The following F7 variants were observed in gnomAD, a reference collection of about 807,000 sequenced individuals.
F7 encodes coagulation factor VII, also known as FVII coagulation protein.
Under a neutral mutation model 47.5 loss-of-function variants are expected in F7, and 38 were observed. That is an observed-to-expected ratio of 0.80 (90% CI 0.62 to 1.05). F7 has a LOEUF of 1.05. Ranked by LOEUF, F7 falls within the 50% of genes least tolerant of loss-of-function variation. F7 has a pLI of 0.00. For missense variants in F7, 575 were observed against 605.4 expected (o/e 0.95, Z 0.53); for synonymous variants, 244 against 258.5 (o/e 0.94, Z 0.54).
In F7 at chr13:113,118,685, C is replaced by T. The variant is rs1292824659; in HGVS notation, c.1012C>T (p.Leu338Phe). 7 of 1,612,716 alleles carry T rather than the reference C, an allele frequency of 4.3e-6. No homozygotes were observed. The Admixed American group carries it at 8.3e-5, about 19-fold the overall frequency. ...RGATALELMV[L>F]NVPRLMTQDC... is the part of the protein sequence containing the mutation. ...CGCCACGGCCCTGGAGCTCATGGTC[C>T]TCAACGTGCCCCGGCTGATGACCCA... The change falls in exon 8 of 8, where the codon CTC becomes TTC. Residue 338 changes from leucine to phenylalanine, a missense_variant. Leu to Phe is a conservative substitution (Grantham distance 22). Transcript: ENST00000346342.
intron 4 of F7, 92 bp downstream of exon 4, chr13:113,114,052 G>A: frequency 7.2e-7 from 1 of 1,386,408 alleles, no homozygotes; most frequent in Non-Finnish European, 1.0e-6. Flanking sequence ...TGCACAACCT[G>A]GTGGGGTGTG....
At position 113,118,445 on chromosome 13, in the gene F7, G is replaced by T; in HGVS notation, c.772G>T (p.Glu258Ter). ...EHDLSEHDGDEQSRRVAQVII... is the reference protein window; with the variant it reads ...EHDLSEHDGD ...CGACCTCAGCGAGCACGACGGGGAT[G>T]AGCAGAGCCGGCGGGTGGCGCAGGT... Residue 258 changes from glutamate to a stop codon, truncating the protein, a stop_gained, in exon 8 of 8, where the codon GAG becomes TAG. Transcript: ENST00000346342. LOFTEE classifies it high-confidence loss of function. 1 of 1,604,682 alleles carries T rather than the reference G, an allele frequency of 6.2e-7. No individual in the cohort carries two copies.
At chr13:113,115,890 C>T (rs2036185925) in intron 5 of F7, 90 bp downstream of exon 5, 1 of 1,558,004 alleles carries the variant, frequency 6.4e-7, no homozygotes, top group African/African-American at 1.4e-5. Flanking sequence ...GTGGGAGTGG[C>T]TTCACATCTA....
chr13:113,116,777 T>G lies in F7; in HGVS notation c.517T>G (p.Cys173Gly). Residue 173 changes from cysteine to glycine, a missense_variant, in exon 6 of 8, where the codon TGT becomes GGT. Transcript: ENST00000346342. ...TTTGTTTTACACAGTTGAATATCCATGTGGAAAAATACCTATTCTAGAAAA... is the reference window on the plus strand; with the variant it reads ...TTTGTTTTACACAGTTGAATATCCAGGTGGAAAAATACCTATTCTAGAAAA... Reference protein sequence around the residue: ...VSCTPTVEYPCGKIPILEKRN... With the variant: ...VSCTPTVEYPGGKIPILEKRN... The G allele has an allele frequency of 6.2e-7, 1 of 1,612,890 alleles. No individual in the cohort carries two copies. Among genetic ancestry groups the G allele is most frequent in the Non-Finnish European group, 8.5e-7 (1 of 1,179,038 alleles).
intron 2 of F7, among the ~76,000 whole-genome samples, chr13:113,112,180 C>T (rs556366885): frequency 1.2e-3 from 172 of 147,442 alleles, no homozygotes; most frequent in African/African-American, 4.2e-3. Flanking sequence ...TCACAGAGGT[C>T]ACCTCACACC....
chr13:113,110,543 C>T, intron 1 of F7, 147 bp from the exon 2 acceptor site: 1 of 1,083,766 alleles, frequency 9.2e-7, no homozygotes, highest in Non-Finnish European at 1.3e-6. Context: ...GCAGGGAGGA[C>T]ACCCAGCCAG....
intron 1 of F7, chr13:113,110,372 C>G (rs1300840871): frequency 1.7e-5 from 5 of 302,584 alleles, no homozygotes; most frequent in Non-Finnish European, 2.4e-5. Flanking sequence ...TTCTCCTCGC[C>G]GGCATCGACC....
chr13:113,116,687 TG>T, intron 5 of F7, 78 bp from the exon 6 acceptor site: 1 of 1,150,200 alleles, frequency 8.7e-7, no homozygotes, highest in Non-Finnish European at 1.3e-6. Context: ...TCTCAGAGGA[TG>T]GGTGTTTCTG....
intron 6 of F7, among the ~76,000 whole-genome samples, chr13:113,117,244 C>T (rs781318307): frequency 7.2e-5 from 11 of 152,230 alleles, no homozygotes; most frequent in Admixed American, 5.9e-4. Flanking sequence ...AATCTCACAG[C>T]GACATTTGTA....
intron 7 of F7, among the ~76,000 whole-genome samples, chr13:113,118,186 C>T (rs1423526568): frequency 6.6e-6 from 1 of 152,214 alleles, no homozygotes; most frequent in African/African-American, 2.4e-5. Context: ...CCTTCCCCAC[C>T]TCAACACCCA....
chr13:113,117,566 A>G lies in F7; in HGVS notation c.709A>G (p.Lys237Glu). 1 of 1,614,022 alleles carries G rather than the reference A, an allele frequency of 6.2e-7. No individual in the cohort carries two copies. The highest frequency in any genetic ancestry group is 8.5e-7 in the Non-Finnish European group (1 of 1,180,006). The change falls in exon 7 of 8, where the codon AAG becomes GAG. Residue 237 changes from lysine (K) to glutamate (E), a missense_variant. Transcript: ENST00000346342. Reference sequence around the variant, plus strand: ...CGCGGCCCACTGTTTCGACAAAATCAAGAACTGGAGGAACCTGATCGCGGT... The same window carrying G: ...CGCGGCCCACTGTTTCGACAAAATCGAGAACTGGAGGAACCTGATCGCGGT... ...VSAAHCFDKI[K>E]NWRNLIAVLG...
intron 2 of F7, among the ~76,000 whole-genome samples, chr13:113,112,691 G>C (rs2036124849): frequency 7.9e-6 from 1 of 126,990 alleles, no homozygotes; most frequent in Non-Finnish European, 1.6e-5. Flanking sequence ...ACACCCACAG[G>C]ACAACTCACA....
At chr13:113,106,751 G>C (rs535114426) in intron 1 of F7, 8 of 1,224,490 alleles carry the variant, frequency 6.5e-6, no homozygotes, top group South Asian at 1.3e-5. Context: ...GATGGCGAGT[G>C]GGGGGTGGGC....
Position 113,118,864 on chromosome 13 carries a change from G to A in F7, c.1191G>A (p.Thr397=), listed in dbSNP as rs533501978. 31 of 1,612,768 alleles carry A rather than the reference G, an allele frequency of 1.9e-5. No individual in the cohort carries two copies. Among genetic ancestry groups the A allele is most frequent in the Middle Eastern group, 1.6e-4 (1 of 6,062 alleles). The part of the protein sequence containing the change: ...ATHYRGTWYL[T]GIVSWGQGCA... Reference sequence around the variant, plus strand: ...ACTACCGGGGCACGTGGTACCTGACGGGCATCGTCAGCTGGGGCCAGGGCT... The same window carrying A: ...ACTACCGGGGCACGTGGTACCTGACAGGCATCGTCAGCTGGGGCCAGGGCT... Residue 397 remains threonine, a synonymous_variant, in exon 8 of 8, where the codon ACG becomes ACA. Transcript: ENST00000346342.
chr13:113,110,726 A>ACCGGCG lies in F7; in HGVS notation c.109_114dup (p.Arg37_Arg38dup), dbSNP rs1274306783. The stretch of plus-strand genomic sequence containing the variant: ...CAGGAGGAAGCCCACGGCGTCCTGC[A>ACCGGCG]CCGGCGCCGGCGCGCCAACGCGTTC... On this transcript the variant is annotated inframe_insertion, in exon 2 of 8. Transcript: ENST00000346342. 6.5e-7 allele frequency: 1 copy of ACCGGCG among 1,548,762 alleles called. No homozygotes were observed. The highest frequency in any genetic ancestry group is 1.4e-5 in the African/African-American group (1 of 73,100).
Position 113,113,698 on chromosome 13 carries a change from T to C in F7, c.226-54T>C. 1 of 1,558,774 alleles carries C rather than the reference T, an allele frequency of 6.4e-7. No individual in the cohort carries two copies. The highest frequency in any genetic ancestry group is 8.9e-7 in the Non-Finnish European group (1 of 1,129,692). ...TTCATGGTGTGTCCAGTGCTTACCG[T>C]TGGGTGCTCTGGTGAAGGTGCATCT... is the stretch of plus-strand genomic sequence containing the variant. On this transcript the variant is annotated intron_variant, in intron 2 of 7. Transcript: ENST00000346342. The surrounding 1 kb of genome is among the most constrained non-coding windows in gnomAD (Gnocchi z 4.1).
chr13:113,110,451 C>G, intron 1 of F7: 1 of 481,698 alleles, frequency 2.1e-6, no homozygotes, highest in Admixed American at 4.5e-5. Context: ...TGCCCCCGAG[C>G]GCGCCCTCGG....
chr13:113,110,962 A>C, intron 2 of F7, 112 bp downstream of exon 2: 1 of 1,255,436 alleles, frequency 8.0e-7, no homozygotes, highest in Non-Finnish European at 1.1e-6. Context: ...GCGAACACGC[A>C]GCGGCGCCCG....
intron 1 of F7, among the ~76,000 whole-genome samples, chr13:113,109,310 C>A (rs1037586178): frequency 3.3e-5 from 5 of 151,804 alleles, no homozygotes; most frequent in African/African-American, 9.7e-5. Context: ...TCCCCTCCCA[C>A]TCCTGCCGCC....
Sources: allele counts gnomAD v4.1 joint callset (sites outside exome capture counted in the v4.1 genomes callset), GRCh38; gene constraint gnomAD v4.1.1; non-coding constraint Gnocchi (gnomAD v3.1); transcripts MANE v1.5; gene names NCBI Gene and HGNC (gene_info 2026-07-23, HGNC 2026-07-21).